Variants in CACNA2D3 observed in about 807,000 individuals in gnomAD.
The protein encoded by CACNA2D3 is calcium voltage-gated channel auxiliary subunit alpha2delta 3.
CACNA2D3 carries 60 observed loss-of-function variants against 160.6 expected under a neutral mutation model. The ratio of observed to expected loss-of-function variants is 0.37; its 90% CI spans 0.30 to 0.46. CACNA2D3 has a LOEUF of 0.46. Among genes scored for constraint, CACNA2D3 ranks in the 20% least tolerant of loss-of-function variants. The probability of loss-of-function intolerance (pLI) is 1.00; values close to 1 mark genes in which losing one functional copy is unlikely to be tolerated. For missense variants in CACNA2D3, 1,205 were observed against 1,365.0 expected, an observed-to-expected ratio of 0.88 and a Z score of 1.85; for synonymous variants, 558 against 492.9, an observed-to-expected ratio of 1.13 and a Z score of -1.75.
At chr3:54,853,837 G>C (rs1309800713) in intron 17 of CACNA2D3, among the ~76,000 whole-genome samples, 1 of 152,090 alleles carries the variant, frequency 6.6e-6, no homozygotes, top group Non-Finnish European at 1.5e-5. Flanking sequence ...CTCATCTCAG[G>C]ACCATGCATT....
intron 4 of CACNA2D3, among the ~76,000 whole-genome samples, chr3:54,414,109 A>C (rs1699716561): frequency 1.3e-5 from 2 of 151,970 alleles, no homozygotes; most frequent in African/African-American, 4.8e-5. Context: ...ACAATTATTA[A>C]AGAGATGAAA....
At chr3:54,649,857 A>G (rs1442011949) in intron 11 of CACNA2D3, among the ~76,000 whole-genome samples, 1 of 152,220 alleles carries the variant, frequency 6.6e-6, no homozygotes, top group Admixed American at 6.5e-5. Context: ...GAGTTGACCT[A>G]TCCATAAATT....
At chr3:54,355,163 G>A (rs977468168) in intron 3 of CACNA2D3, among the ~76,000 whole-genome samples, 13 of 152,340 alleles carry the variant, frequency 8.5e-5, no homozygotes, top group South Asian at 4.1e-4. Flanking sequence ...CTCTGCAGAT[G>A]TGACAGTTTG....
intron 2 of CACNA2D3, among the ~76,000 whole-genome samples, chr3:54,280,142 T>C (rs1651993893): frequency 6.6e-6 from 1 of 152,050 alleles, no homozygotes; most frequent in Non-Finnish European, 1.5e-5. Context: ...AGTGCAGTGG[T>C]GCGATCTCTG....
At position 54,517,545 on chromosome 3, in the gene CACNA2D3, C is replaced by T. The variant is rs143716906; in HGVS notation, c.544+13891C>T. On this transcript the variant is annotated intron_variant, in intron 5 of 37. Coordinates refer to ENST00000474759, the MANE Select transcript of CACNA2D3 (RefSeq NM_018398.3). The stretch of plus-strand genomic sequence containing the variant: ...CATCGCAGACCACAGGCTGTGCCCA[C>T]CTGCTGCACAGGCTGTAAACACTGA... Among the ~76,000 whole-genome samples the T allele has an allele frequency of 4.6e-3, 703 of 152,330 alleles. 5 individuals are homozygous for T. Among genetic ancestry groups the T allele is most frequent in the African/African-American group, 0.016 (677 of 41,564 alleles).
chr3:54,723,564 C>A (rs1354869226), intron 11 of CACNA2D3, among the ~76,000 whole-genome samples: 1 of 152,228 alleles, frequency 6.6e-6, no homozygotes, highest in South Asian at 2.1e-4. Context: ...TTGTGAAAAT[C>A]ATAGGACAAG....
intron 2 of CACNA2D3, among the ~76,000 whole-genome samples, chr3:54,293,579 C>A (rs200719627): frequency 4.1e-5 from 5 of 121,682 alleles, no homozygotes; most frequent in East Asian, 2.9e-4. Flanking sequence ...ATATATATAT[C>A]AATATATCAC....
At chr3:54,620,903 G>T (rs989791648) in intron 9 of CACNA2D3, among the ~76,000 whole-genome samples, 2 of 152,218 alleles carry the variant, frequency 1.3e-5, no homozygotes, top group Admixed American at 1.3e-4. Flanking sequence ...TGTACAAAAA[G>T]CACGTGATGC....
intron 27 of CACNA2D3, among the ~76,000 whole-genome samples, chr3:54,936,928 C>T (rs1452811218): frequency 2.0e-5 from 3 of 152,144 alleles, no homozygotes; most frequent in East Asian, 1.9e-4. Context: ...CTCACTGCTA[C>T]GGCTGATGTT....
At chr3:55,014,653 AC>A (rs1703288155) in intron 34 of CACNA2D3, among the ~76,000 whole-genome samples, 1 of 152,106 alleles carries the variant, frequency 6.6e-6, no homozygotes, top group East Asian at 1.9e-4. Context: ...AATCGTTTGA[AC>A]CCAGGAGGCG....
intron 2 of CACNA2D3, among the ~76,000 whole-genome samples, chr3:54,284,288 A>C (rs1484617278): frequency 6.6e-6 from 1 of 151,104 alleles, no homozygotes; most frequent in Non-Finnish European, 1.5e-5. Context: ...AATAAAATTA[A>C]ATTAAAAAAA....
Position 55,074,204 on chromosome 3 carries a change from T to TG in CACNA2D3, c.3275dup (p.Ter1092TrpfsTer10). ...TCTGCTTTTGATGCTCTTCTCAAGG[T>TG]GACACTGACTGAGATGTTCTCTTAC... On this transcript the variant is annotated frameshift_variant and stop_lost, in exon 38 of 38. Coordinates refer to ENST00000474759, the MANE Select transcript of CACNA2D3 (RefSeq NM_018398.3). LOFTEE classifies it high-confidence loss of function. 6.2e-7 allele frequency: 1 copy of TG among 1,611,302 alleles called. No individual in the cohort carries two copies. The highest frequency in any genetic ancestry group is 8.5e-7 in the Non-Finnish European group (1 of 1,177,472).
intron 13 of CACNA2D3, among the ~76,000 whole-genome samples, chr3:54,766,579 T>C (rs1702228437): frequency 1.3e-5 from 2 of 152,208 alleles, no homozygotes; most frequent in Admixed American, 6.5e-5. Flanking sequence ...GATCCAGCAA[T>C]CTTACTTCTA....
intron 11 of CACNA2D3, among the ~76,000 whole-genome samples, chr3:54,717,753 TGTGCAA>T (rs1701084413): frequency 7.4e-6 from 1 of 135,156 alleles, no homozygotes; most frequent in Non-Finnish European, 1.6e-5. Flanking sequence ...TGGTGTGGTG[TGTGCAA>T]GCGTGTGTGT....
At chr3:54,322,638 T>C (rs765150434) in intron 3 of CACNA2D3, among the ~76,000 whole-genome samples, 7 of 152,180 alleles carry the variant, frequency 4.6e-5, no homozygotes, top group Non-Finnish European at 7.3e-5. Context: ...AAACAGTAAA[T>C]GTTCAGTAAA....
At chr3:54,181,636 G>A (rs1700785486) in intron 2 of CACNA2D3, among the ~76,000 whole-genome samples, 1 of 152,218 alleles carries the variant, frequency 6.6e-6, no homozygotes, top group South Asian at 2.1e-4. Context: ...GACAGGGGCA[G>A]AGTCAGGATT....
At chr3:54,569,908 A>T (rs1469009615) in intron 7 of CACNA2D3, 46 bp from the exon 8 acceptor site, 3 of 1,613,182 alleles carry the variant, frequency 1.9e-6, no homozygotes, top group Non-Finnish European at 2.5e-6. Flanking sequence ...TCTTGAAGAG[A>T]AGTGAAGTCA....
chr3:54,127,908 AT>A lies in CACNA2D3; in HGVS notation c.204+4324del, dbSNP rs202047385. 8.1e-4 allele frequency among the ~76,000 whole-genome samples: 110 copies of A among 135,996 alleles called. 2 individuals carry two copies. The East Asian group carries it at 0.012, about 15-fold the overall frequency. The allele number at this position is 135,996 out of a possible 152,430, so 89.2% of individuals were successfully genotyped here. ...CTTTCGGTCTGAGCCTTTTTTGCTC[AT>A]TTTTTTTTTCTTTTCCTTTAACTTG... is the stretch of plus-strand genomic sequence containing the variant. On this transcript the variant is annotated intron_variant, in intron 2 of 37. Coordinates refer to ENST00000474759, the MANE Select transcript of CACNA2D3 (RefSeq NM_018398.3).
intron 29 of CACNA2D3, among the ~76,000 whole-genome samples, chr3:54,978,615 T>A (rs1466040011): frequency 1.3e-5 from 2 of 152,178 alleles, no homozygotes; most frequent in Non-Finnish European, 1.5e-5. Context: ...ACAAAATAAG[T>A]AAAATTATCC....
Sources: allele counts gnomAD v4.1 joint callset (sites outside exome capture counted in the v4.1 genomes callset), GRCh38; gene constraint gnomAD v4.1.1; transcripts MANE v1.5; gene names NCBI Gene and HGNC (gene_info 2026-07-23, HGNC 2026-07-21).